The following TEAD1 variants were observed in gnomAD, a reference collection of about 807,000 sequenced individuals.
The protein encoded by TEAD1 is transcriptional enhancer factor TEF-1.
In TEAD1, 9 loss-of-function variants were observed where a neutral mutation model predicts 54.9. The ratio of observed to expected loss-of-function variants is 0.16; its 90% CI spans 0.10 to 0.29. The LOEUF is 0.29. Among genes scored for constraint, TEAD1 ranks in the 10% least tolerant of loss-of-function variants. The pLI is 1.00. For missense variants in TEAD1, 387 were observed against 535.9 expected (o/e 0.72, Z 2.74); for synonymous variants, 200 against 187.8 (o/e 1.07, Z -0.53).
intron 2 of TEAD1, among the ~76,000 whole-genome samples, chr11:12,722,736 C>T (rs1254962171): frequency 6.6e-6 from 1 of 151,622 alleles, no homozygotes; most frequent in Non-Finnish European, 1.5e-5. Flanking sequence ...AGAACTAGCT[C>T]AGTACCCTAA....
chr11:12,929,650 G>A (rs1948977019), intron 11 of TEAD1, among the ~76,000 whole-genome samples: 1 of 151,640 alleles, frequency 6.6e-6, no homozygotes, highest in Middle Eastern at 3.2e-3. Flanking sequence ...TCTTATTTCT[G>A]AGTTATTGAA....
chr11:12,848,721 G>A (rs1377051528), intron 3 of TEAD1: 1 of 152,032 alleles, frequency 6.6e-6, no homozygotes, highest in Non-Finnish European at 1.5e-5. Context: ...TGAAGCAGGA[G>A]GATTGCTTGA....
intron 10 of TEAD1, among the ~76,000 whole-genome samples, chr11:12,919,347 G>A (rs972826707): frequency 1.3e-5 from 2 of 152,168 alleles, no homozygotes; most frequent in African/African-American, 4.8e-5. Flanking sequence ...CAAGCAGTAA[G>A]GACTTTGCTT....
In TEAD1 at chr11:12,908,890, T is replaced by G. The variant is rs12270962; in HGVS notation, c.873+6777T>G. Among the ~76,000 whole-genome samples, 8 of 105,772 alleles carry G rather than the reference T, an allele frequency of 7.6e-5. 1 individual carries two copies. Among genetic ancestry groups the G allele is most frequent in the Non-Finnish European group, 1.9e-4 (8 of 42,044 alleles). The allele number at this position is 105,772 out of a possible 152,430, so 69.4% of individuals were successfully genotyped here. On this transcript the variant is annotated intron_variant, in intron 10 of 12. Coordinates refer to ENST00000527636, the MANE Select transcript of TEAD1 (RefSeq NM_021961.6). ...GTATACTTCAAATTATCTGTTTTTT[T>G]TTTTTTGAGACAGTGTTGCTCTGCT...
At chr11:12,712,783 T>C (rs577810658) in intron 2 of TEAD1, among the ~76,000 whole-genome samples, 4 of 152,340 alleles carry the variant, frequency 2.6e-5, no homozygotes, top group African/African-American at 7.2e-5. Flanking sequence ...GGGATTGATA[T>C]GCAAGCATTA....
chr11:12,786,979 G>A (rs1165852108), intron 3 of TEAD1, among the ~76,000 whole-genome samples: 3 of 152,182 alleles, frequency 2.0e-5, no homozygotes, highest in Non-Finnish European at 2.9e-5. Context: ...GTGGGCCTCC[G>A]TGGCTTGAGT....
chr11:12,896,800 C>G (rs1948322466), intron 9 of TEAD1, among the ~76,000 whole-genome samples: 4 of 152,194 alleles, frequency 2.6e-5, no homozygotes, highest in Non-Finnish European at 5.9e-5. Flanking sequence ...TACAGTCACT[C>G]TGTAGGTTCT....
intron 9 of TEAD1, among the ~76,000 whole-genome samples, chr11:12,899,586 A>G (rs748684884): frequency 1.3e-5 from 2 of 152,114 alleles, no homozygotes; most frequent in African/African-American, 2.4e-5. Context: ...TCCCACCCCC[A>G]TAATCTCACT....
intron 3 of TEAD1, among the ~76,000 whole-genome samples, chr11:12,854,313 G>C (rs952807165): frequency 6.6e-6 from 1 of 152,118 alleles, no homozygotes; most frequent in Admixed American, 6.5e-5. Flanking sequence ...TAGCCACTGA[G>C]GACCTGCTGT....
intron 9 of TEAD1, among the ~76,000 whole-genome samples, chr11:12,898,728 C>A (rs1189957748): frequency 2.0e-5 from 3 of 152,174 alleles, no homozygotes; most frequent in Admixed American, 2.0e-4. Flanking sequence ...AGGTCCTATG[C>A]CAAGCACCTT....
chr11:12,884,143 TG>T (rs1252445999), intron 9 of TEAD1, among the ~76,000 whole-genome samples: 1 of 152,154 alleles, frequency 6.6e-6, no homozygotes, highest in African/African-American at 2.4e-5. Context: ...ACCCCCATCT[TG>T]TACCCATCGT....
intron 2 of TEAD1, among the ~76,000 whole-genome samples, chr11:12,750,503 C>G (rs1944848852): frequency 6.6e-6 from 1 of 152,134 alleles, no homozygotes; most frequent in Admixed American, 6.5e-5. Context: ...AGTTCAGATT[C>G]CAGATATATA....
intron 2 of TEAD1, among the ~76,000 whole-genome samples, chr11:12,686,357 T>C (rs1389304657): frequency 1.3e-5 from 2 of 152,158 alleles, no homozygotes; most frequent in Non-Finnish European, 2.9e-5. Context: ...ACAGCTACAA[T>C]AGAGGGGAAT....
At chr11:12,861,177 A>T (rs1947492429) in intron 3 of TEAD1, among the ~76,000 whole-genome samples, 1 of 152,200 alleles carries the variant, frequency 6.6e-6, no homozygotes, top group African/African-American at 2.4e-5. Flanking sequence ...AGAAGAACCC[A>T]TGTCTTGTAT....
chr11:12,822,119 A>G (rs1342640958), intron 3 of TEAD1, among the ~76,000 whole-genome samples: 1 of 151,000 alleles, frequency 6.6e-6, no homozygotes, highest in Admixed American at 6.6e-5. Context: ...ACCCACCACC[A>G]TGCCCGGCTA....
At chr11:12,907,550 C>T (rs1430418132) in intron 10 of TEAD1, among the ~76,000 whole-genome samples, 4 of 152,010 alleles carry the variant, frequency 2.6e-5, no homozygotes, top group Non-Finnish European at 4.4e-5. Context: ...AATTCTACAG[C>T]GTATTTAATT....
intron 3 of TEAD1, among the ~76,000 whole-genome samples, chr11:12,797,240 G>A (rs1184877459): frequency 6.6e-6 from 1 of 152,218 alleles, no homozygotes; most frequent in African/African-American, 2.4e-5. Context: ...TGGTGATTGT[G>A]TTCAGACCAT....
At chr11:12,815,531 G>A (rs1249029269) in intron 3 of TEAD1, among the ~76,000 whole-genome samples, 1 of 152,212 alleles carries the variant, frequency 6.6e-6, no homozygotes, top group Non-Finnish European at 1.5e-5. Context: ...AACCATATGT[G>A]TGTGGACCTT....
At chr11:12,713,356 G>C (rs1268935329) in intron 2 of TEAD1, among the ~76,000 whole-genome samples, 1 of 152,176 alleles carries the variant, frequency 6.6e-6, no homozygotes, top group African/African-American at 2.4e-5. Flanking sequence ...CCTCAAACCC[G>C]TGCCCACATT....
Sources: gnomAD v4.1 joint callset for allele counts (sites outside exome capture counted in the v4.1 genomes callset) on GRCh38, gnomAD v4.1.1 for gene constraint, MANE v1.5 for transcripts, NCBI Gene and HGNC (gene_info 2026-07-23, HGNC 2026-07-21) for gene names.